Variants in ARHGAP26 observed in about 807,000 individuals in gnomAD.
The protein encoded by ARHGAP26 is Rho GTPase activating protein 26, also known as rho GTPase-activating protein 26.
Under a neutral mutation model 104.8 loss-of-function variants are expected in ARHGAP26, and 38 were observed. The ratio of observed to expected loss-of-function variants is 0.36; its 90% CI spans 0.28 to 0.48. The LOEUF is 0.48. Among genes scored for constraint, ARHGAP26 ranks in the 20% least tolerant of loss-of-function variants. The probability of loss-of-function intolerance (pLI) is 0.99; values close to 1 mark genes in which losing one functional copy is unlikely to be tolerated. For missense variants in ARHGAP26, 704 were observed against 947.9 expected (o/e 0.74, Z 3.38); for synonymous variants, 341 against 340.0 (o/e 1.00, Z -0.03).
Position 143,041,809 on chromosome 5 carries a change from T to C in ARHGAP26, c.1211-7T>C. The C allele has an allele frequency of 6.2e-7, 1 of 1,606,452 alleles. No homozygotes were observed. The highest frequency in any genetic ancestry group is 8.5e-7 in the Non-Finnish European group (1 of 1,175,956). ...TCTAATTAAATCATCACTGTTTCTT[T>C]CCTCAGGGATCAACGAGCAAGGGCT... On this transcript the variant is annotated splice_polypyrimidine_tract_variant and splice_region_variant and intron_variant, in intron 13 of 22. Coordinates refer to ENST00000645722, the MANE Select transcript of ARHGAP26 (RefSeq NM_001135608.3).
intron 1 of ARHGAP26, among the ~76,000 whole-genome samples, chr5:142,819,812 C>T (rs1467568144): frequency 6.6e-6 from 1 of 152,040 alleles, no homozygotes; most frequent in African/African-American, 2.4e-5. Flanking sequence ...TAAAAATTTA[C>T]ATAGTATGGA....
At chr5:143,073,477 A>G (rs1179849012) in intron 17 of ARHGAP26, among the ~76,000 whole-genome samples, 2 of 152,230 alleles carry the variant, frequency 1.3e-5, no homozygotes, top group Non-Finnish European at 2.9e-5. Context: ...GTATTAATAT[A>G]TTAAGTAATT....
At chr5:143,124,721 G>A (rs1374672434) in intron 18 of ARHGAP26, among the ~76,000 whole-genome samples, 4 of 152,226 alleles carry the variant, frequency 2.6e-5, no homozygotes, top group Non-Finnish European at 5.9e-5. Context: ...GCCAAAGCAA[G>A]TCACAAGTCC....
chr5:143,101,053 A>G (rs142412588), intron 17 of ARHGAP26, among the ~76,000 whole-genome samples: 1 of 152,294 alleles, frequency 6.6e-6, no homozygotes, highest in South Asian at 2.1e-4. Context: ...ACATTGTGTC[A>G]CTACACTCCA....
chr5:143,145,925 G>T (rs1799101807), intron 19 of ARHGAP26, among the ~76,000 whole-genome samples: 1 of 152,054 alleles, frequency 6.6e-6, no homozygotes, highest in South Asian at 2.1e-4. Flanking sequence ...TACATGACTC[G>T]TGCAAAGGGA....
Position 142,907,740 on chromosome 5 carries a change from C to T in ARHGAP26, c.869C>T (p.Thr290Ile). 1.2e-6 allele frequency: 2 copies of T among 1,611,704 alleles called. No individual in the cohort carries two copies. Among genetic ancestry groups the T allele is most frequent in the Non-Finnish European group, 8.5e-7 (1 of 1,178,454 alleles). ...ACTTCTTGGGTGAAGCACTACTGTA[C>T]ATATCAACGGGATTCCAAACAAATC... Reference protein sequence around the residue: ...FGTSWVKHYCTYQRDSKQITM... With the variant: ...FGTSWVKHYCIYQRDSKQITM... The change falls in exon 9 of 23, where the codon ACA (threonine) becomes ATA (isoleucine). Residue 290 changes from threonine to isoleucine, a missense_variant. Coordinates refer to ENST00000645722, the MANE Select transcript of ARHGAP26 (RefSeq NM_001135608.3).
At chr5:143,186,347 A>G (rs1805132738) in intron 20 of ARHGAP26, among the ~76,000 whole-genome samples, 1 of 151,792 alleles carries the variant, frequency 6.6e-6, no homozygotes, top group Non-Finnish European at 1.5e-5. Flanking sequence ...CTTTCCCCCA[A>G]CCCTGTCCCC....
chr5:143,001,812 A>G (rs1777230086), intron 11 of ARHGAP26, among the ~76,000 whole-genome samples: 1 of 152,246 alleles, frequency 6.6e-6, no homozygotes, highest in South Asian at 2.1e-4. Flanking sequence ...CTTTACTGCC[A>G]GCTCAAAGCA....
At chr5:142,814,386 A>G (rs1253124437) in intron 1 of ARHGAP26, among the ~76,000 whole-genome samples, 1 of 152,248 alleles carries the variant, frequency 6.6e-6, no homozygotes, top group Non-Finnish European at 1.5e-5. Flanking sequence ...ATCGGTTTCC[A>G]ATTCCTGTTC....
chr5:143,063,630 A>G (rs1476250110), intron 17 of ARHGAP26, among the ~76,000 whole-genome samples: 1 of 152,214 alleles, frequency 6.6e-6, no homozygotes, highest in Non-Finnish European at 1.5e-5. Context: ...AAATGCATGA[A>G]GAGTCTCTTG....
intron 17 of ARHGAP26, among the ~76,000 whole-genome samples, chr5:143,088,691 G>A (rs796409206): frequency 5.1e-4 from 78 of 152,264 alleles, no homozygotes; most frequent in African/African-American, 1.7e-3. Flanking sequence ...AGAAGGCTGC[G>A]ACCTTACAGA....
At chr5:143,146,435 G>A (rs1417141591) in intron 19 of ARHGAP26, among the ~76,000 whole-genome samples, 2 of 152,200 alleles carry the variant, frequency 1.3e-5, no homozygotes, top group Non-Finnish European at 2.9e-5. Flanking sequence ...TTGTTAACCA[G>A]GAATCCAAGA....
intron 11 of ARHGAP26, among the ~76,000 whole-genome samples, chr5:142,963,198 A>ATATGTGTGTG (rs869247749): frequency 2.0e-5 from 2 of 98,350 alleles, no homozygotes; most frequent in African/African-American, 6.1e-5. Flanking sequence ...ATATATATAT[A>ATATGTGTGTG]TGTGTGTGTG....
At chr5:143,027,750 C>T (rs571559973) in intron 12 of ARHGAP26, among the ~76,000 whole-genome samples, 1 of 152,294 alleles carries the variant, frequency 6.6e-6, no homozygotes, top group African/African-American at 2.4e-5. Context: ...TGTTGTCCAG[C>T]AGGGAATGTG....
chr5:142,993,910 A>T (rs527648335), intron 11 of ARHGAP26, among the ~76,000 whole-genome samples: 1 of 150,972 alleles, frequency 6.6e-6, no homozygotes, highest in Non-Finnish European at 1.5e-5. Flanking sequence ...GGCGCATGTG[A>T]TCCTCCCACC....
At chr5:143,222,271 ACACACACACACACC>A (rs1332046574) in intron 22 of ARHGAP26, 73 bp from the exon 23 acceptor site, 1 of 710,876 alleles carries the variant, frequency 1.4e-6, no homozygotes. Flanking sequence ...ACACACACAC[ACACACACACACACC>A]CCACACACAC....
Position 142,853,310 on chromosome 5 carries a change from C to T in ARHGAP26, c.155-20090C>T, listed in dbSNP as rs555134596. Among the ~76,000 whole-genome samples the T allele has an allele frequency of 1.1e-4, 16 of 152,262 alleles. 1 individual carries two copies. The highest frequency in any genetic ancestry group is 3.4e-4 in the African/African-American group (14 of 41,550). On this transcript the variant is annotated intron_variant, in intron 1 of 22. Coordinates refer to ENST00000645722, the MANE Select transcript of ARHGAP26 (RefSeq NM_001135608.3). ...AGTGATCCCCCTACCCCTACCTCTG[C>T]CTCCCAAGTAGCGGGGACTGCAGGC...
At position 142,929,645 on chromosome 5, in the gene ARHGAP26, AC is replaced by A. The variant is rs3836777; in HGVS notation, c.1029-2401del. Among the ~76,000 whole-genome samples, 11 of 152,336 alleles carry A rather than the reference AC, an allele frequency of 7.2e-5. No individual in the cohort carries two copies. The East Asian group carries it at 2.1e-3, about 29-fold the overall frequency. ...TTTGATATTTCTTCTTGGAATGAAAACAAATCCTGTTGACTTTCCTGGTTAC... is the reference window on the plus strand; with the variant it reads ...TTTGATATTTCTTCTTGGAATGAAAAAAATCCTGTTGACTTTCCTGGTTAC... On this transcript the variant is annotated intron_variant, in intron 10 of 22. Transcript: ENST00000645722.
chr5:143,146,819 G>T (rs1799216112), intron 19 of ARHGAP26, among the ~76,000 whole-genome samples: 1 of 152,176 alleles, frequency 6.6e-6, no homozygotes, highest in African/African-American at 2.4e-5. Context: ...CAATATTAGA[G>T]GCAGGAGTTT....
Sources: allele counts gnomAD v4.1 joint callset (sites outside exome capture counted in the v4.1 genomes callset), GRCh38; gene constraint gnomAD v4.1.1; transcripts MANE v1.5; gene names NCBI Gene and HGNC (gene_info 2026-07-23, HGNC 2026-07-21).